Variants in FRMD6 observed in about 807,000 individuals in gnomAD.
FRMD6 encodes FERM domain containing 6.
Under a neutral mutation model 73.2 loss-of-function variants are expected in FRMD6, and 37 were observed. That is an observed-to-expected ratio of 0.51 (90% confidence interval 0.39 to 0.66). The LOEUF is 0.66. Ranked by LOEUF, FRMD6 falls within the 30% of genes least tolerant of loss-of-function variation. The pLI is 0.00. For synonymous variants in FRMD6, 273 were observed against 282.2 expected, an observed-to-expected ratio of 0.97 and a Z score of 0.33; for missense variants, 714 against 780.5, an observed-to-expected ratio of 0.91 and a Z score of 1.02.
At chr14:51,597,174 G>A (rs1212059583) in intron 2 of FRMD6, among the ~76,000 whole-genome samples, 1 of 152,138 alleles carries the variant, frequency 6.6e-6, no homozygotes, top group African/African-American at 2.4e-5. Flanking sequence ...AGGTGATATG[G>A]GAGCTGGGAG....
At chr14:51,654,311 G>T (rs1241284098) in intron 1 of FRMD6, among the ~76,000 whole-genome samples, 1 of 143,178 alleles carries the variant, frequency 7.0e-6, no homozygotes, top group African/African-American at 2.6e-5. Context: ...GAATTGGGGG[G>T]GGGGTCTTTT....
chr14:51,489,189 C>G (rs1882855360), exon 1 of FRMD6: 1 of 152,210 alleles, frequency 6.6e-6, no homozygotes, highest in African/African-American at 2.4e-5. Flanking sequence ...GCCCTTTCCC[C>G]CAATCTCAAT....
chr14:51,620,838 C>T (rs111812603), intron 2 of FRMD6, among the ~76,000 whole-genome samples: 1,816 of 152,326 alleles, frequency 0.012, 41 homozygotes, highest in African/African-American at 0.041. Context: ...AGCCCTGCTG[C>T]AGACATATCA....
intron 1 of FRMD6, among the ~76,000 whole-genome samples, chr14:51,513,372 A>G (rs1884427820): frequency 6.6e-6 from 1 of 152,206 alleles, no homozygotes; most frequent in Non-Finnish European, 1.5e-5. Flanking sequence ...GACATATCTT[A>G]TAAATTTCTA....
chr14:51,419,310 G>A, the FRMD6 span, among the ~76,000 whole-genome samples: 10 of 152,104 alleles, frequency 6.6e-5, no homozygotes, highest in Non-Finnish European at 1.3e-4. Context: ...TGGCCATCTT[G>A]GACTAATTTT....
intron 1 of FRMD6, among the ~76,000 whole-genome samples, chr14:51,544,812 T>C (rs1293782396): frequency 6.6e-6 from 1 of 152,032 alleles, no homozygotes; most frequent in Non-Finnish European, 1.5e-5. Context: ...GAAAGGAAAT[T>C]AGTGTAACAT....
chr14:51,469,182 C>T, the FRMD6 span, among the ~76,000 whole-genome samples: 2 of 151,740 alleles, frequency 1.3e-5, no homozygotes, highest in African/African-American at 2.4e-5. Context: ...CTTTGTGATC[C>T]GCCGCCTAGG....
At chr14:51,424,757 C>A in the FRMD6 span, among the ~76,000 whole-genome samples, 1 of 152,090 alleles carries the variant, frequency 6.6e-6, no homozygotes, top group Non-Finnish European at 1.5e-5. Flanking sequence ...TATTGTATGG[C>A]TATTTAGCAA....
At chr14:51,561,269 T>C (rs1166101343) in intron 1 of FRMD6, among the ~76,000 whole-genome samples, 1 of 152,216 alleles carries the variant, frequency 6.6e-6, no homozygotes, top group Non-Finnish European at 1.5e-5. Flanking sequence ...AGACTATCAA[T>C]ATGGTCTTTC....
At chr14:51,539,891 C>A (rs1045024078) in intron 1 of FRMD6, among the ~76,000 whole-genome samples, 1 of 152,122 alleles carries the variant, frequency 6.6e-6, no homozygotes, top group Non-Finnish European at 1.5e-5. Context: ...ACTTTCCTTA[C>A]CAAATTAGTT....
At chr14:51,514,869 CTA>C (rs1884529279) in intron 1 of FRMD6, among the ~76,000 whole-genome samples, 1 of 152,108 alleles carries the variant, frequency 6.6e-6, no homozygotes, top group African/African-American at 2.4e-5. Context: ...AACAAAAAAA[CTA>C]TGACGACAAG....
intron 2 of FRMD6, among the ~76,000 whole-genome samples, chr14:51,596,248 G>GGTGTGTGTGTGTGTGTGTGT (rs3060588): frequency 4.7e-5 from 7 of 147,600 alleles, no homozygotes; most frequent in African/African-American, 1.5e-4. Flanking sequence ...AGGAGAGCCT[G>GGTGTGTGTGTGTGTGTGTGT]GTGTGTGTGT....
intron 2 of FRMD6, among the ~76,000 whole-genome samples, chr14:51,691,803 C>G (rs1354693724): frequency 6.6e-6 from 1 of 151,724 alleles, no homozygotes; most frequent in Non-Finnish European, 1.5e-5. Context: ...CCATGTTGGC[C>G]AGGCTGGTCT....
chr14:51,397,396 C>G, the FRMD6 span, among the ~76,000 whole-genome samples: 17 of 152,164 alleles, frequency 1.1e-4, no homozygotes, highest in Non-Finnish European at 2.1e-4. Flanking sequence ...CAGACACCTT[C>G]CCTTTGACAC....
chr14:51,544,760 T>C (rs1251646605), intron 1 of FRMD6, among the ~76,000 whole-genome samples: 1 of 152,024 alleles, frequency 6.6e-6, no homozygotes, highest in Non-Finnish European at 1.5e-5. Flanking sequence ...ATCCTCTACT[T>C]GCGAGCCAAG....
chr14:51,657,916 C>T (rs1458334425), intron 1 of FRMD6, among the ~76,000 whole-genome samples: 3 of 152,116 alleles, frequency 2.0e-5, no homozygotes, highest in African/African-American at 7.2e-5. Context: ...GAGATGGAGG[C>T]AGAGGTTGAA....
chr14:51,468,209 C>T, the FRMD6 span, among the ~76,000 whole-genome samples: 1 of 150,806 alleles, frequency 6.6e-6, no homozygotes, highest in East Asian at 2.0e-4. Flanking sequence ...GAGAATCAGG[C>T]AGGGAGGTTG....
chr14:51,570,720 T>G (rs1888087051), intron 2 of FRMD6, among the ~76,000 whole-genome samples: 2 of 152,246 alleles, frequency 1.3e-5, no homozygotes, highest in Admixed American at 6.5e-5. Flanking sequence ...GAACCAGTTT[T>G]AGATAGGTTT....
chr14:51,538,959 C>T (rs997974676), intron 1 of FRMD6, among the ~76,000 whole-genome samples: 2 of 151,720 alleles, frequency 1.3e-5, no homozygotes, highest in Non-Finnish European at 2.9e-5. Flanking sequence ...GGGAGTTTTG[C>T]GTTCTTGGAT....
Sources: allele counts gnomAD v4.1 joint callset (sites outside exome capture counted in the v4.1 genomes callset), GRCh38; gene constraint gnomAD v4.1.1; transcripts MANE v1.5; gene names NCBI Gene and HGNC (gene_info 2026-07-23, HGNC 2026-07-21).